KSR2: variants seen among roughly 807,000 people sequenced by gnomAD.
KSR2 encodes the protein kinase suppressor of ras 2.
In KSR2, 25 loss-of-function variants were observed where a neutral mutation model predicts 107.8. That is an observed-to-expected ratio of 0.23 (90% confidence interval 0.17 to 0.32). The LOEUF (loss-of-function observed/expected upper bound fraction) is 0.32, where lower values mean the gene tolerates loss of function less well. Ranked by LOEUF, KSR2 falls within the 10% of genes least tolerant of loss-of-function variation. KSR2 has a pLI of 1.00. For missense variants in KSR2, 887 were observed against 1,268.9 expected, an observed-to-expected ratio of 0.70 and a Z score of 4.57; for synonymous variants, 480 against 507.0, an observed-to-expected ratio of 0.95 and a Z score of 0.71.
chr12:117,816,037 G>GTGTGTC (rs1555244765), intron 3 of KSR2, among the ~76,000 whole-genome samples: 1 of 135,188 alleles, frequency 7.4e-6, no homozygotes, highest in African/African-American at 2.9e-5. Flanking sequence ...GTGTGTGTGT[G>GTGTGTC]TGTTGGGGAG....
rs201676467 is a variant in KSR2 at position 117,897,044 on chromosome 12, T to C, written c.181-36613A>G. On this transcript the variant is annotated intron_variant, in intron 1 of 19. Transcript: ENST00000339824. The surrounding 1 kb of genome is among the most constrained non-coding windows in gnomAD (Gnocchi z 4.5). ...ATACTTCATCTGCCTAACCAGGAGGTGTTAGAGTGAAGAGGTTTCTTCCTC... is the reference window on the plus strand; with the variant it reads ...ATACTTCATCTGCCTAACCAGGAGGCGTTAGAGTGAAGAGGTTTCTTCCTC... Among the ~76,000 whole-genome samples, 11 of 152,028 alleles carry C rather than the reference T, an allele frequency of 7.2e-5. No homozygotes were observed. In the East Asian group the frequency reaches 2.1e-3, roughly 29 times the overall value.
At chr12:117,643,932 A>G (rs1444989025) in intron 5 of KSR2, among the ~76,000 whole-genome samples, 6 of 152,224 alleles carry the variant, frequency 3.9e-5, no homozygotes, top group Non-Finnish European at 7.3e-5. Context: ...CTGTTGAATG[A>G]ATGAATGAAT....
intron 1 of KSR2, among the ~76,000 whole-genome samples, chr12:117,936,685 A>C (rs1895859599): frequency 6.6e-6 from 1 of 152,054 alleles, no homozygotes; most frequent in Non-Finnish European, 1.5e-5. Context: ...GTGCCTGGCC[A>C]GCTTCCCTAT....
At position 117,695,990 on chromosome 12, in the gene KSR2, G is replaced by A. The variant is rs560475076; in HGVS notation, c.987-28332C>T. Among the ~76,000 whole-genome samples the A allele has an allele frequency of 9.2e-5, 14 of 152,258 alleles. 1 individual carries two copies. The highest frequency in any genetic ancestry group is 3.9e-4 in the Admixed American group (6 of 15,300). On this transcript the variant is annotated intron_variant, in intron 4 of 19. Coordinates refer to ENST00000339824, the MANE Select transcript of KSR2 (RefSeq NM_173598.6). ...AGCCAGCACAGTGAGAGAAGCCATC[G>A]GCGGGCTGGGCTGAGGCTGGTTCCC...
At chr12:117,888,141 C>A (rs1056955741) in intron 1 of KSR2, among the ~76,000 whole-genome samples, 1 of 152,202 alleles carries the variant, frequency 6.6e-6, no homozygotes, top group Non-Finnish European at 1.5e-5. Context: ...CATCAAACTA[C>A]CAGCATTCTT....
chr12:117,921,715 A>G (rs1214940494), intron 1 of KSR2, among the ~76,000 whole-genome samples: 1 of 152,214 alleles, frequency 6.6e-6, no homozygotes, highest in Non-Finnish European at 1.5e-5. Context: ...TAAAGCTCTT[A>G]GTGCCATGCT....
rs553208041 is a variant in KSR2, at chr12:117,821,043, A to G, written c.472+34385T>C. On this transcript the variant is annotated intron_variant, in intron 3 of 19. Coordinates refer to ENST00000339824, the MANE Select transcript of KSR2 (RefSeq NM_173598.6). ...TCCTTCTCTGTGAGACTCTGGGCAA[A>G]TGACAGCCTATCTGAGCCTCAGTTT... Among the ~76,000 whole-genome samples, 12 of 152,296 alleles carry G rather than the reference A, an allele frequency of 7.9e-5. No individual in the cohort carries two copies. In the East Asian group the frequency reaches 2.3e-3, roughly 29 times the overall value.
intron 5 of KSR2, among the ~76,000 whole-genome samples, chr12:117,656,531 T>G (rs1884164534): frequency 6.6e-6 from 1 of 152,194 alleles, no homozygotes; most frequent in South Asian, 2.1e-4. Flanking sequence ...GGAGAATCAC[T>G]TGAACCCAGG....
chr12:117,735,931 G>A (rs148807595), intron 4 of KSR2, among the ~76,000 whole-genome samples: 31 of 152,218 alleles, frequency 2.0e-4, no homozygotes, highest in African/African-American at 5.3e-4. Context: ...TTAATTGAAC[G>A]TGCCCCTTAT....
At chr12:117,877,152 C>A (rs1228124385) in intron 1 of KSR2, among the ~76,000 whole-genome samples, 1 of 152,082 alleles carries the variant, frequency 6.6e-6, no homozygotes. Context: ...GCCTGGCCAA[C>A]ATGGTGAAAC....
At chr12:117,753,124 T>C (rs1888666191) in intron 4 of KSR2, among the ~76,000 whole-genome samples, 1 of 152,256 alleles carries the variant, frequency 6.6e-6, no homozygotes, top group Admixed American at 6.5e-5. Flanking sequence ...TCTCCATGCC[T>C]ATGGCTAACT....
chr12:117,906,448 A>C (rs751829573), intron 1 of KSR2, among the ~76,000 whole-genome samples: 2 of 152,030 alleles, frequency 1.3e-5, no homozygotes, highest in South Asian at 2.1e-4. Flanking sequence ...GTCTCTAAAA[A>C]TACAAAAATT....
intron 5 of KSR2, among the ~76,000 whole-genome samples, chr12:117,602,306 C>G (rs774702555): frequency 6.6e-6 from 1 of 152,158 alleles, no homozygotes; most frequent in Non-Finnish European, 1.5e-5. Context: ...CACAGTGGTG[C>G]ACAAACATCA....
chr12:117,863,825 C>G (rs1246897426), intron 1 of KSR2, among the ~76,000 whole-genome samples: 2 of 152,092 alleles, frequency 1.3e-5, no homozygotes, highest in Non-Finnish European at 2.9e-5. Flanking sequence ...GCCCGCATCC[C>G]TTGGCTTCTG....
At chr12:117,753,779 C>A (rs901992784) in intron 4 of KSR2, among the ~76,000 whole-genome samples, 2 of 147,336 alleles carry the variant, frequency 1.4e-5, no homozygotes, top group Non-Finnish European at 3.0e-5. Flanking sequence ...ACCTATGTAA[C>A]AAACCTGCAC....
chr12:117,800,701 T>C (rs1890802029), intron 3 of KSR2, among the ~76,000 whole-genome samples: 1 of 152,166 alleles, frequency 6.6e-6, no homozygotes, highest in Admixed American at 6.5e-5. Context: ...TCATCTAGGT[T>C]TTAAGCCCCA....
intron 4 of KSR2, among the ~76,000 whole-genome samples, chr12:117,707,732 G>A (rs73396670): frequency 0.017 from 2,612 of 152,248 alleles, 73 homozygotes; most frequent in African/African-American, 0.06. Flanking sequence ...ATGAGGACAC[G>A]GAGAGTCATC....
rs531265475 is a variant in KSR2 at position 117,677,486 on chromosome 12, G to A, written c.987-9828C>T. ...GAGAAACCAACCCTGCCAACACCTCGATCTTGGACTTCCAGCCTCTAGAAC... is the reference window on the plus strand; with the variant it reads ...GAGAAACCAACCCTGCCAACACCTCAATCTTGGACTTCCAGCCTCTAGAAC... On this transcript the variant is annotated intron_variant, in intron 4 of 19. Transcript: ENST00000339824. Among the ~76,000 whole-genome samples the A allele has an allele frequency of 3.9e-5, 6 of 152,210 alleles. No individual in the cohort carries two copies. The South Asian group carries it at 6.2e-4, about 16-fold the overall frequency.
chr12:117,608,927 G>A (rs1881441258), intron 5 of KSR2, among the ~76,000 whole-genome samples: 1 of 151,946 alleles, frequency 6.6e-6, no homozygotes, highest in Admixed American at 6.6e-5. Context: ...TCAGACTTGG[G>A]GTGCACAGGG....
Sources: gnomAD v4.1 joint callset for allele counts (sites outside exome capture counted in the v4.1 genomes callset) on GRCh38, gnomAD v4.1.1 for gene constraint, Gnocchi (gnomAD v3.1) non-coding constraint, MANE v1.5 for transcripts, NCBI Gene and HGNC (gene_info 2026-07-23, HGNC 2026-07-21) for gene names.